Variants in PITPNC1 observed in about 807,000 individuals in gnomAD.
PITPNC1 encodes the protein phosphatidylinositol transfer protein cytoplasmic 1.
In PITPNC1, 18 loss-of-function variants were observed where a neutral mutation model predicts 44.7. The observed-to-expected ratio is 0.40, with a 90% CI of 0.28 to 0.60. PITPNC1 has a LOEUF of 0.60. Among genes scored for constraint, PITPNC1 ranks in the 20% least tolerant of loss-of-function variants. The pLI, the probability that PITPNC1 is intolerant of heterozygous loss-of-function variation, is 0.39. For synonymous variants in PITPNC1, 141 were observed against 149.6 expected (o/e 0.94, Z 0.42); for missense variants, 290 against 418.4 (o/e 0.69, Z 2.68).
rs1160205489 is a variant in PITPNC1, at chr17:67,696,479, C to T, written c.*3591C>T. 2.6e-5 allele frequency: 4 copies of T among 152,088 alleles called. No individual in the cohort carries two copies. The highest frequency in any genetic ancestry group is 5.9e-5 in the Non-Finnish European group (4 of 68,020). 9.4% of individuals were successfully genotyped at this position (152,088 alleles called of 1,614,324 possible). ...ACATATAATGTGTAATCAGATAATCCAATAGAGAGGAATTGTCCAAATAGT... is the reference window on the plus strand; with the variant it reads ...ACATATAATGTGTAATCAGATAATCTAATAGAGAGGAATTGTCCAAATAGT... On this transcript the variant is annotated 3_prime_UTR_variant, in exon 9 of 9. Coordinates refer to ENST00000581322, the MANE Select transcript of PITPNC1 (RefSeq NM_012417.4).
Position 67,454,958 on chromosome 17 carries a change from T to C in PITPNC1, c.48+76756T>C, listed in dbSNP as rs534693407. ...CTTCAGCCCCCTGAGTAGCTGGGACTACAGCTGCATGCCACCAGGCCTGGC... is the reference window on the plus strand; with the variant it reads ...CTTCAGCCCCCTGAGTAGCTGGGACCACAGCTGCATGCCACCAGGCCTGGC... On this transcript the variant is annotated intron_variant, in intron 1 of 8. Transcript: ENST00000581322. Among the ~76,000 whole-genome samples the C allele has an allele frequency of 5.1e-4, 78 of 152,102 alleles. 1 individual carries two copies. Among genetic ancestry groups the C allele is most frequent in the Middle Eastern group, 6.8e-3 (2 of 294 alleles).
intron 2 of PITPNC1, among the ~76,000 whole-genome samples, chr17:67,551,056 G>C (rs540000507): frequency 3.9e-5 from 6 of 151,950 alleles, no homozygotes; most frequent in Non-Finnish European, 7.4e-5. Context: ...GCGAGACTCC[G>C]TGTCAAAACA....
chr17:67,445,644 A>G (rs2039083469), intron 1 of PITPNC1, among the ~76,000 whole-genome samples: 1 of 152,048 alleles, frequency 6.6e-6, no homozygotes, highest in Non-Finnish European at 1.5e-5. Context: ...GTTGGGGAGA[A>G]ATGAGAACTC....
chr17:67,533,262 A>G lies in PITPNC1; in HGVS notation c.197+312A>G, dbSNP rs191129865. Among the ~76,000 whole-genome samples, 72 of 152,302 alleles carry G rather than the reference A, an allele frequency of 4.7e-4. 1 individual carries two copies. The East Asian group carries it at 7.7e-3, about 16-fold the overall frequency. ...GGTGACAGAGCAAGACCCTGACTGT[A>G]AAAAATATTACTACATAAAATAAAA... On this transcript the variant is annotated intron_variant, in intron 2 of 8. Coordinates refer to ENST00000581322, the MANE Select transcript of PITPNC1 (RefSeq NM_012417.4).
intron 1 of PITPNC1, chr17:67,456,983 G>A (rs2039262669): frequency 6.6e-6 from 1 of 150,548 alleles, no homozygotes; most frequent in African/African-American, 2.4e-5. Flanking sequence ...TTCCTCATTT[G>A]TTTTCTCAAC....
intron 6 of PITPNC1, among the ~76,000 whole-genome samples, chr17:67,647,740 G>T (rs1766989171): frequency 6.6e-6 from 1 of 152,002 alleles, no homozygotes; most frequent in African/African-American, 2.4e-5. Context: ...TAAATAACTT[G>T]CCCAGGTTCA....
chr17:67,669,160 G>A (rs1214759727), intron 6 of PITPNC1, among the ~76,000 whole-genome samples: 1 of 152,198 alleles, frequency 6.6e-6, no homozygotes, highest in Non-Finnish European at 1.5e-5. Flanking sequence ...AGGCTAGAGT[G>A]CAATGGCGCA....
In PITPNC1 at chr17:67,693,004, T is replaced by G. The variant is rs1294101228; in HGVS notation, c.*116T>G. On this transcript the variant is annotated 3_prime_UTR_variant, in exon 9 of 9. Coordinates refer to ENST00000581322, the MANE Select transcript of PITPNC1 (RefSeq NM_012417.4). The stretch of plus-strand genomic sequence containing the variant: ...GTCACTCAAACATGTTCCTTCGACC[T>G]TTCAGTGTGCATGTGACTCAGTAAC... 1 of 677,548 alleles carries G rather than the reference T, an allele frequency of 1.5e-6. No homozygotes were observed. Among genetic ancestry groups the G allele is most frequent in the African/African-American group, 1.8e-5 (1 of 55,462 alleles). The allele number at this position is 677,548 out of a possible 1,614,324, so 42.0% of individuals were successfully genotyped here. A position where few individuals can be genotyped will look rare whatever the true frequency, so the allele number is the denominator to read the frequency against.
At chr17:67,431,107 G>A (rs1468178562) in intron 1 of PITPNC1, among the ~76,000 whole-genome samples, 2 of 144,746 alleles carry the variant, frequency 1.4e-5, no homozygotes, top group African/African-American at 2.6e-5. Flanking sequence ...CGCCCAGGCC[G>A]GAGTGCAGTG....
At chr17:67,423,653 A>G (rs546129060) in intron 1 of PITPNC1, among the ~76,000 whole-genome samples, 67 of 152,296 alleles carry the variant, frequency 4.4e-4, no homozygotes, top group African/African-American at 1.6e-3. Context: ...CATTTGAATA[A>G]GGATGGATGT....
chr17:67,624,527 T>A (rs375675760), intron 5 of PITPNC1, among the ~76,000 whole-genome samples: 3 of 151,836 alleles, frequency 2.0e-5, no homozygotes, highest in African/African-American at 7.3e-5. Flanking sequence ...TCTGTTTTGT[T>A]TTTTTGTTTG....
intron 1 of PITPNC1, among the ~76,000 whole-genome samples, chr17:67,450,875 C>A (rs969931237): frequency 1.4e-4 from 22 of 152,170 alleles, no homozygotes; most frequent in African/African-American, 4.8e-4. Context: ...CCCCTTCCCC[C>A]ACCCTCTGGT....
intron 6 of PITPNC1, among the ~76,000 whole-genome samples, chr17:67,645,666 G>A (rs1044064276): frequency 6.6e-6 from 1 of 152,174 alleles, no homozygotes; most frequent in Non-Finnish European, 1.5e-5. Context: ...TTTGAATTTT[G>A]TTCTGTCTGT....
intron 5 of PITPNC1, among the ~76,000 whole-genome samples, chr17:67,585,804 C>A (rs1167463888): frequency 6.6e-6 from 1 of 152,104 alleles, no homozygotes; most frequent in Non-Finnish European, 1.5e-5. Context: ...GACGCTGTCT[C>A]AAAAACAAAC....
intron 4 of PITPNC1, among the ~76,000 whole-genome samples, chr17:67,564,785 T>C (rs115120878): frequency 2.0e-3 from 304 of 152,372 alleles, no homozygotes; most frequent in African/African-American, 6.9e-3. Flanking sequence ...CACTCATTTT[T>C]AAATTGGATT....
chr17:67,466,149 C>T lies in PITPNC1; in HGVS notation c.49-66653C>T, dbSNP rs182912967. ...CTGAGTAGCTGGGACTACAGGCACA[C>T]GCCCAAATGCATAACTAATTTTTAA... On this transcript the variant is annotated intron_variant, in intron 1 of 8. Coordinates refer to ENST00000581322, the MANE Select transcript of PITPNC1 (RefSeq NM_012417.4). Among the ~76,000 whole-genome samples, 17 of 138,796 alleles carry T rather than the reference C, an allele frequency of 1.2e-4. 1 individual carries two copies. In the East Asian group the frequency reaches 2.4e-3, roughly 19 times the overall value. 91.1% of individuals were successfully genotyped at this position (138,796 alleles called of 152,430 possible).
chr17:67,633,336 C>G (rs940092021), intron 6 of PITPNC1, among the ~76,000 whole-genome samples: 10 of 152,240 alleles, frequency 6.6e-5, no homozygotes, highest in Admixed American at 1.3e-4. Flanking sequence ...AAAATGAATT[C>G]TGTCGTTACG....
intron 6 of PITPNC1, among the ~76,000 whole-genome samples, chr17:67,650,994 G>GC (rs1227486928): frequency 2.6e-5 from 4 of 152,204 alleles, no homozygotes; most frequent in Non-Finnish European, 5.9e-5. Flanking sequence ...AAACCGCTCA[G>GC]GGTTTGCGGT....
chr17:67,503,742 A>G (rs1173535547), intron 1 of PITPNC1, among the ~76,000 whole-genome samples: 2 of 152,108 alleles, frequency 1.3e-5, no homozygotes, highest in African/African-American at 2.4e-5. Flanking sequence ...AGGGAATTTG[A>G]TGGGCCTGAA....
Sources: allele counts gnomAD v4.1 joint callset (sites outside exome capture counted in the v4.1 genomes callset), GRCh38; gene constraint gnomAD v4.1.1; transcripts MANE v1.5; gene names NCBI Gene and HGNC (gene_info 2026-07-23, HGNC 2026-07-21).